RAD52: variants seen among roughly 807,000 people sequenced by gnomAD.
RAD52 encodes DNA repair protein RAD52 homolog.
A neutral mutation model predicts 55.5 loss-of-function variants in RAD52; 47 were observed. The ratio of observed to expected loss-of-function variants is 0.85; its 90% CI spans 0.67 to 1.08. The LOEUF (loss-of-function observed/expected upper bound fraction) is 1.08, where lower values mean the gene tolerates loss of function less well. Ranked by LOEUF, RAD52 falls within the 50% of genes least tolerant of loss-of-function variation. RAD52 has a pLI of 0.00. For missense variants in RAD52, 468 were observed against 522.8 expected (o/e 0.90, Z 1.02); for synonymous variants, 184 against 198.9 (o/e 0.92, Z 0.63).
At chr12:916,232 G>C (rs1375229956) in intron 9 of RAD52, 112 bp downstream of exon 9, 3 of 1,508,802 alleles carry the variant, frequency 2.0e-6, no homozygotes, top group African/African-American at 2.8e-5. Flanking sequence ...AGAAGTCCCA[G>C]CGAGGCCTGG....
rs1451509971 is a variant in RAD52 at position 985,928 on chromosome 12, C to T, written c.-19+3881G>A. Among the ~76,000 whole-genome samples, 19 of 151,578 alleles carry T rather than the reference C, an allele frequency of 1.3e-4. 1 individual carries two copies. In the South Asian group the frequency reaches 2.5e-3, roughly 20 times the overall value. On this transcript the variant is annotated intron_variant, in intron 1 of 11. Transcript: ENST00000430095. ...GTGCTGGATTATAGGTATGAGCTAA[C>T]GCACCTGGCCTTTTTTTTTTTTTGA...
At chr12:934,439 G>A (rs1227169800) in intron 1 of RAD52, among the ~76,000 whole-genome samples, 21 of 2,496 alleles carry the variant, frequency 8.4e-3, no homozygotes, top group Non-Finnish European at 0.014. Context: ...CTCCAGCCTG[G>A]GCGAGAGTGA....
intron 7 of RAD52, among the ~76,000 whole-genome samples, chr12:918,991 T>A (rs1004138893): frequency 6.6e-6 from 1 of 152,030 alleles, no homozygotes; most frequent in Non-Finnish European, 1.5e-5. Context: ...ACTTTACATA[T>A]ATAAAGTTCA....
At chr12:963,361 G>T (rs1460637046) in intron 1 of RAD52, among the ~76,000 whole-genome samples, 1 of 152,128 alleles carries the variant, frequency 6.6e-6, no homozygotes, top group African/African-American at 2.4e-5. Flanking sequence ...TCTAGGAACT[G>T]AGAATAGAGC....
intron 7 of RAD52, among the ~76,000 whole-genome samples, chr12:917,831 C>T (rs113896468): frequency 4.9e-3 from 138 of 28,252 alleles, no homozygotes; most frequent in African/African-American, 4.4e-3. Context: ...CCCAGCTACT[C>T]GGGAGGCTGA....
At chr12:988,620 G>T (rs895781419) in intron 1 of RAD52, among the ~76,000 whole-genome samples, 4 of 152,180 alleles carry the variant, frequency 2.6e-5, no homozygotes, top group African/African-American at 4.8e-5. Context: ...TTCTGGTGAG[G>T]GTTTTTGTGC....
chr12:947,473 C>A lies in RAD52; in HGVS notation c.-19+2129G>T, dbSNP rs1592447208. Among the ~76,000 whole-genome samples, 6 of 149,638 alleles carry A rather than the reference C, an allele frequency of 4.0e-5. No homozygotes were observed. The South Asian group carries it at 1.3e-3, about 32-fold the overall frequency. ...GACCAGCATTGCCAACACGGTGAAA[C>A]CCTGTCTCTACTAAAAATACCAAAA... is the stretch of plus-strand genomic sequence containing the variant. On this transcript the variant is annotated intron_variant, in intron 1 of 11. Coordinates refer to ENST00000358495, the MANE Select transcript of RAD52 (RefSeq NM_134424.4).
rs780419401 is a variant in RAD52 at position 913,970 on chromosome 12, G to C, written c.1119C>G (p.Ser373Arg). The change falls in exon 11 of 12, where the codon AGC (serine) becomes AGG (arginine). Residue 373 changes from serine (S) to arginine (R), a missense_variant. Coordinates refer to ENST00000358495, the MANE Select transcript of RAD52 (RefSeq NM_134424.4). Reference protein sequence around the residue: ...QMVTQNRTPHSVCHQKPQAKS... With the variant: ...QMVTQNRTPHRVCHQKPQAKS... ...TTGCTTGTGGTTTCTGGTGGCAAAC[G>C]CTGTGTGGAGTCCTGTTCTGGGTCA... 1.2e-6 allele frequency: 2 copies of C among 1,614,140 alleles called. No homozygotes were observed. The highest frequency in any genetic ancestry group is 1.7e-6 in the Non-Finnish European group (2 of 1,180,028).
At chr12:932,341 A>G (rs1355290465) in intron 2 of RAD52, among the ~76,000 whole-genome samples, 1 of 152,180 alleles carries the variant, frequency 6.6e-6, no homozygotes, top group Non-Finnish European at 1.5e-5. Flanking sequence ...CTAAAAATAT[A>G]AAAATTAGCT....
chr12:985,704 C>T (rs533471560), intron 1 of RAD52, among the ~76,000 whole-genome samples: 11 of 152,176 alleles, frequency 7.2e-5, no homozygotes, highest in African/African-American at 1.9e-4. Context: ...TATTTTGAGA[C>T]GGAGTCTTGC....
intron 1 of RAD52, among the ~76,000 whole-genome samples, chr12:968,881 G>A (rs1340024791): frequency 2.0e-5 from 3 of 151,996 alleles, no homozygotes; most frequent in Non-Finnish European, 4.4e-5. Flanking sequence ...ATAAATATTT[G>A]TTGAATAAAT....
chr12:943,490 G>A (rs1158556826), intron 1 of RAD52, among the ~76,000 whole-genome samples: 1 of 152,126 alleles, frequency 6.6e-6, no homozygotes, highest in African/African-American at 2.4e-5. Context: ...CTACAGGCAC[G>A]TGCCATCACG....
At chr12:930,249 A>T in intron 3 of RAD52, 105 bp from the exon 4 acceptor site, 1 of 931,714 alleles carries the variant, frequency 1.1e-6, no homozygotes. Flanking sequence ...TTTTTCGATA[A>T]ACTGTCCTTA....
chr12:912,543 A>G lies in RAD52; in HGVS notation c.*848T>C, dbSNP rs1169264877. Reference sequence around the variant, plus strand: ...TATATATATATTCTATTTTGTTAATAAGGTATACGATTTGCTTTCTCAAAA... The same window carrying G: ...TATATATATATTCTATTTTGTTAATGAGGTATACGATTTGCTTTCTCAAAA... On this transcript the variant is annotated 3_prime_UTR_variant, in exon 12 of 12. Transcript: ENST00000358495. The G allele has an allele frequency of 5.5e-6, 1 of 182,984 alleles. No individual in the cohort carries two copies. The allele number at this position is 182,984 out of a possible 1,614,324, so 11.3% of individuals were successfully genotyped here.
At position 912,317 on chromosome 12, in the gene RAD52, A is replaced by G. The variant is rs1204615253; in HGVS notation, c.*1074T>C. ...TGCAGCGACCCTAAGAGAAAAAAAA[A>G]CCCAGCCCTCTTCAGCTGCAGTGTA... On this transcript the variant is annotated 3_prime_UTR_variant, in exon 12 of 12. Transcript: ENST00000358495. 1.5e-5 allele frequency: 3 copies of G among 200,918 alleles called. No homozygotes were observed. Among genetic ancestry groups the G allele is most frequent in the Non-Finnish European group, 3.1e-5 (3 of 97,506 alleles). The allele number at this position is 200,918 out of a possible 1,614,324, so 12.4% of individuals were successfully genotyped here. A position where few individuals can be genotyped will look rare whatever the true frequency, so the allele number is the denominator to read the frequency against.
chr12:951,093 C>T (rs915579468), upstream of RAD52, among the ~76,000 whole-genome samples: 4 of 151,768 alleles, frequency 2.6e-5, no homozygotes, highest in African/African-American at 9.7e-5. Context: ...ATTTGTATGT[C>T]ATCTTTTGAT....
At chr12:941,600 G>T (rs1957924880) in intron 1 of RAD52, among the ~76,000 whole-genome samples, 1 of 149,468 alleles carries the variant, frequency 6.7e-6, no homozygotes, top group African/African-American at 2.5e-5. Context: ...TTACAGGTGT[G>T]AGCCGCCACA....
At chr12:989,338 A>C (rs962838548) in intron 1 of RAD52, among the ~76,000 whole-genome samples, 2 of 151,980 alleles carry the variant, frequency 1.3e-5, no homozygotes, top group Admixed American at 6.6e-5. Context: ...GACCACACTT[A>C]CTTTTTGCAT....
At chr12:935,380 C>CTTT (rs34383735) in intron 1 of RAD52, among the ~76,000 whole-genome samples, 3 of 128,492 alleles carry the variant, frequency 2.3e-5, no homozygotes, top group South Asian at 2.5e-4. Context: ...ACCTGTGAAT[C>CTTT]TTTTTTTTTT....
Sources: gnomAD v4.1 joint callset for allele counts (sites outside exome capture counted in the v4.1 genomes callset) on GRCh38, gnomAD v4.1.1 for gene constraint, MANE v1.5 for transcripts, NCBI Gene and HGNC (gene_info 2026-07-23, HGNC 2026-07-21) for gene names.